HSD17B14: variants seen among roughly 807,000 people sequenced by gnomAD.
The protein encoded by HSD17B14 is L-fucose dehydrogenase.
In HSD17B14, 32 loss-of-function variants were observed where a neutral mutation model predicts 32.2. That is an observed-to-expected ratio of 0.99 (90% CI 0.75 to 1.33). The LOEUF is 1.33. HSD17B14 is among the 40% of genes most tolerant of loss of function. The pLI is 0.00. For missense variants in HSD17B14, 370 were observed against 366.5 expected (o/e 1.01, Z -0.08); for synonymous variants, 140 against 155.4 (o/e 0.90, Z 0.74).
In HSD17B14 at chr19:48,813,047, C is replaced by A; in HGVS notation, c.*128G>T. Reference sequence around the variant, plus strand: ...GGCTGCAAATCGTTTTTATGGGAACCTGCAGGGTGACCCGGCACCTTGCTA... The same window carrying A: ...GGCTGCAAATCGTTTTTATGGGAACATGCAGGGTGACCCGGCACCTTGCTA... On this transcript the variant is annotated 3_prime_UTR_variant, in exon 9 of 9. Coordinates refer to ENST00000263278, the MANE Select transcript of HSD17B14 (RefSeq NM_016246.3). 1 of 586,210 alleles carries A rather than the reference C, an allele frequency of 1.7e-6. No individual in the cohort carries two copies. The highest frequency in any genetic ancestry group is 3.0e-6 in the Non-Finnish European group (1 of 328,766). 36.3% of individuals were successfully genotyped at this position (586,210 alleles called of 1,614,324 possible).
At chr19:48,823,135 A>T (rs1333071476) in intron 5 of HSD17B14, among the ~76,000 whole-genome samples, 3 of 152,160 alleles carry the variant, frequency 2.0e-5, no homozygotes, top group African/African-American at 4.8e-5. Context: ...AATAGAGTTA[A>T]ATATGAGATG....
At chr19:48,835,868 A>T (rs1309275894) in intron 1 of HSD17B14, 25 bp from the exon 2 acceptor site, 5 of 1,612,230 alleles carry the variant, frequency 3.1e-6, no homozygotes, top group Non-Finnish European at 4.2e-6. Flanking sequence ...GGAACAGGTT[A>T]CTCTCCGAGC....
intron 5 of HSD17B14, among the ~76,000 whole-genome samples, chr19:48,816,779 T>TTTCTTTCTTTCTTTCTTTCTTTC: frequency 8.2e-6 from 1 of 122,180 alleles, no homozygotes; most frequent in Non-Finnish European, 1.7e-5. Flanking sequence ...GCAAGACCCT[T>TTTCTTTCTTTCTTTCTTTCTTTC]TTTCTTTCTT....
chr19:48,830,822 C>CTATTTATT lies in HSD17B14; in HGVS notation c.369+838_369+845dup, dbSNP rs150317727. On this transcript the variant is annotated intron_variant, in intron 5 of 8. Coordinates refer to ENST00000263278, the MANE Select transcript of HSD17B14 (RefSeq NM_016246.3). The stretch of plus-strand genomic sequence containing the variant: ...ACAGCTGTGAGCTACTGGACCTGGC[C>CTATTTATT]TATTTATTTATTTATTTATTTATTT... 2.2e-3 allele frequency among the ~76,000 whole-genome samples: 320 copies of CTATTTATT among 147,696 alleles called. 1 individual carries two copies. Among genetic ancestry groups the CTATTTATT allele is most frequent in the South Asian group, 7.6e-3 (35 of 4,612 alleles).
intron 5 of HSD17B14, among the ~76,000 whole-genome samples, chr19:48,827,725 G>C (rs1380698730): frequency 6.6e-6 from 1 of 151,878 alleles, no homozygotes; most frequent in African/African-American, 2.4e-5. Context: ...ATTTTTAGTA[G>C]AGACGGGGTC....
chr19:48,832,976 A>G (rs568554789), intron 3 of HSD17B14, among the ~76,000 whole-genome samples: 3 of 151,690 alleles, frequency 2.0e-5, no homozygotes, highest in African/African-American at 7.3e-5. Context: ...GCTGGTCTCA[A>G]ACTCCTGAGC....
chr19:48,820,272 G>A (rs1433591200), intron 5 of HSD17B14, among the ~76,000 whole-genome samples: 3 of 152,058 alleles, frequency 2.0e-5, no homozygotes, highest in South Asian at 2.1e-4. Flanking sequence ...TCAAGAGTTC[G>A]AGACCAGCCT....
At chr19:48,814,325 G>A (rs1445556573) in intron 6 of HSD17B14, among the ~76,000 whole-genome samples, 2 of 150,336 alleles carry the variant, frequency 1.3e-5, no homozygotes, top group East Asian at 4.0e-4. Context: ...TTCGAGACCA[G>A]CCTGACCAAC....
At chr19:48,822,306 T>C (rs534966156) in intron 5 of HSD17B14, among the ~76,000 whole-genome samples, 1 of 151,140 alleles carries the variant, frequency 6.6e-6, no homozygotes, top group Admixed American at 6.6e-5. Context: ...GTGGTGATGG[T>C]GATGATTGTG....
chr19:48,813,864 C>A, intron 6 of HSD17B14, 134 bp from the exon 7 acceptor site: 1 of 939,774 alleles, frequency 1.1e-6, no homozygotes, highest in Non-Finnish European at 1.7e-6. Flanking sequence ...TTCAGAGGCA[C>A]CAGGCTTGGT....
At chr19:48,815,401 C>T (rs147203159) in intron 5 of HSD17B14, among the ~76,000 whole-genome samples, 8 of 152,260 alleles carry the variant, frequency 5.3e-5, no homozygotes, top group African/African-American at 1.9e-4. Flanking sequence ...CTGACTCTGT[C>T]TTTGTCTCTA....
At chr19:48,823,301 C>T (rs1168588924) in intron 5 of HSD17B14, among the ~76,000 whole-genome samples, 1 of 151,890 alleles carries the variant, frequency 6.6e-6, no homozygotes, top group Non-Finnish European at 1.5e-5. Flanking sequence ...TCCCAGCAAC[C>T]TGAGAGGCTG....
chr19:48,834,247 A>G (rs1191569834), intron 3 of HSD17B14, 29 bp downstream of exon 3: 1 of 1,568,800 alleles, frequency 6.4e-7, no homozygotes. Context: ...ATTAGCGGAG[A>G]TGGGGGTAGG....
intron 4 of HSD17B14, among the ~76,000 whole-genome samples, 188 bp downstream of exon 4, chr19:48,832,478 A>T (rs1243700256): frequency 6.6e-6 from 1 of 152,148 alleles, no homozygotes; most frequent in Non-Finnish European, 1.5e-5. Flanking sequence ...CACAGGAGGG[A>T]TGGAACAGGG....
chr19:48,814,908 T>G (rs1165073377), intron 6 of HSD17B14, 129 bp downstream of exon 6: 1 of 635,336 alleles, frequency 1.6e-6, no homozygotes, highest in Non-Finnish European at 2.9e-6. Flanking sequence ...GGGTGCTGCA[T>G]CTGGGAGTTA....
rs1177883610 is a variant in HSD17B14, at chr19:48,815,019, G to T, written c.474+18C>A. On this transcript the variant is annotated intron_variant, in intron 6 of 8. Coordinates refer to ENST00000263278, the MANE Select transcript of HSD17B14 (RefSeq NM_016246.3). ...GGGAAGGAGTAGGGAGGGAAGGAAG[G>T]GGTAGGGGCTGCCATACCTTGGTGG... is the stretch of plus-strand genomic sequence containing the variant. 2 of 1,578,964 alleles carry T rather than the reference G, an allele frequency of 1.3e-6. No individual in the cohort carries two copies. Among genetic ancestry groups the T allele is most frequent in the African/African-American group, 2.7e-5 (2 of 74,110 alleles).
In HSD17B14 at chr19:48,832,656, C is replaced by G; in HGVS notation, c.277+10G>C. On this transcript the variant is annotated intron_variant, in intron 4 of 8. Coordinates refer to ENST00000263278, the MANE Select transcript of HSD17B14 (RefSeq NM_016246.3). ...GAGGTGGAGAATGGCCCTGGGGTCT[C>G]ACAACTCACGGTGGCCAGCGTTGTT... The G allele has an allele frequency of 6.2e-7, 1 of 1,612,068 alleles. No homozygotes were observed. Among genetic ancestry groups the G allele is most frequent in the South Asian group, 1.1e-5 (1 of 90,498 alleles).
intron 6 of HSD17B14, 100 bp downstream of exon 6, chr19:48,814,937 G>T: frequency 2.4e-6 from 2 of 827,760 alleles, no homozygotes; most frequent in Non-Finnish European, 4.1e-6. Flanking sequence ...ACTTTCTAGG[G>T]CCAAGATCTT....
chr19:48,819,424 T>C (rs1463772057), intron 5 of HSD17B14, among the ~76,000 whole-genome samples: 6 of 152,164 alleles, frequency 3.9e-5, no homozygotes, highest in Non-Finnish European at 8.8e-5. Flanking sequence ...CTTGCTCAAA[T>C]ACCTGCCACA....
Sources: gnomAD v4.1 joint callset for allele counts (sites outside exome capture counted in the v4.1 genomes callset) on GRCh38, gnomAD v4.1.1 for gene constraint, MANE v1.5 for transcripts, NCBI Gene and HGNC (gene_info 2026-07-23, HGNC 2026-07-21) for gene names.